The following LANCL2 variants were observed in gnomAD, a reference collection of about 807,000 sequenced individuals.
LANCL2 encodes lanC-like protein 2.
A neutral mutation model predicts 56.9 loss-of-function variants in LANCL2; 33 were observed. The ratio of observed to expected loss-of-function variants is 0.58; its 90% CI spans 0.44 to 0.78. LANCL2 has a LOEUF of 0.78. Among genes scored for constraint, LANCL2 ranks in the 30% least tolerant of loss-of-function variants. The probability of loss-of-function intolerance (pLI) is 0.00; values close to 1 mark genes in which losing one functional copy is unlikely to be tolerated. For missense variants in LANCL2, 562 were observed against 580.2 expected (o/e 0.97, Z 0.32); for synonymous variants, 233 against 228.2 (o/e 1.02, Z -0.19).
intron 5 of LANCL2, among the ~76,000 whole-genome samples, chr7:55,407,007 C>T (rs1194813527): frequency 6.6e-6 from 1 of 152,134 alleles, no homozygotes; most frequent in Non-Finnish European, 1.5e-5. Context: ...GGGAAAGTGC[C>T]ATGTCCCCAG....
chr7:55,392,395 G>A (rs1790202216), intron 2 of LANCL2, among the ~76,000 whole-genome samples: 2 of 151,030 alleles, frequency 1.3e-5, no homozygotes, highest in Non-Finnish European at 2.9e-5. Context: ...CTGTTGCCTG[G>A]GCTAGAGTAC....
At chr7:55,391,704 T>TA in intron 1 of LANCL2, 89 bp from the exon 2 acceptor site, 1 of 730,744 alleles carries the variant, frequency 1.4e-6, no homozygotes, top group Non-Finnish European at 2.4e-6. Context: ...TTCTGTCTGT[T>TA]ATGTTTGTAC....
chr7:55,379,565 G>C (rs1252787945), intron 1 of LANCL2: 1 of 152,614 alleles, frequency 6.6e-6, no homozygotes, highest in Admixed American at 6.5e-5. Flanking sequence ...CTACCTTATG[G>C]GTTCTGCCAC....
intron 1 of LANCL2, among the ~76,000 whole-genome samples, chr7:55,379,205 G>A (rs12718960): frequency 0.35 from 53,382 of 152,060 alleles, 9,850 homozygotes; most frequent in African/African-American, 0.42. Flanking sequence ...TGAAGGGTTA[G>A]TAGCATATGC....
At chr7:55,416,344 T>A (rs1414881909) in intron 6 of LANCL2, among the ~76,000 whole-genome samples, 1 of 152,152 alleles carries the variant, frequency 6.6e-6, no homozygotes, top group Non-Finnish European at 1.5e-5. Context: ...TGGAGTGCAG[T>A]GGTGGATCTT....
intron 6 of LANCL2, among the ~76,000 whole-genome samples, chr7:55,416,534 G>A (rs1001172467): frequency 6.6e-6 from 1 of 152,130 alleles, no homozygotes; most frequent in Non-Finnish European, 1.5e-5. Context: ...TCCTGTCTTG[G>A]TCTCCCAAAG....
intron 2 of LANCL2, among the ~76,000 whole-genome samples, chr7:55,395,274 G>A (rs1790237514): frequency 6.6e-6 from 1 of 151,886 alleles, no homozygotes; most frequent in Admixed American, 6.6e-5. Flanking sequence ...GGAGAAAAAC[G>A]CACCAGGAAA....
At chr7:55,414,855 G>A (rs1400049353) in intron 6 of LANCL2, among the ~76,000 whole-genome samples, 2 of 151,564 alleles carry the variant, frequency 1.3e-5, no homozygotes, top group Non-Finnish European at 2.9e-5. Flanking sequence ...GTGGTGGCAC[G>A]CACCTGTAGT....
At chr7:55,386,404 C>T (rs969750372) in intron 1 of LANCL2, among the ~76,000 whole-genome samples, 1 of 152,228 alleles carries the variant, frequency 6.6e-6, no homozygotes, top group East Asian at 1.9e-4. Context: ...ATGGCTTCAG[C>T]CGGTCCCTCT....
chr7:55,414,269 AGGC>A (rs1790502346), intron 6 of LANCL2, among the ~76,000 whole-genome samples: 1 of 152,184 alleles, frequency 6.6e-6, no homozygotes, highest in Non-Finnish European at 1.5e-5. Flanking sequence ...TGTTTGACCA[AGGC>A]AGGGGGTTCA....
chr7:55,407,376 A>T (rs62457871), intron 5 of LANCL2, among the ~76,000 whole-genome samples: 1 of 152,142 alleles, frequency 6.6e-6, no homozygotes, highest in Non-Finnish European at 1.5e-5. Flanking sequence ...CGGGGCTTGA[A>T]GTCACTTTTC....
chr7:55,385,687 G>A (rs547990921), intron 1 of LANCL2, among the ~76,000 whole-genome samples: 11 of 152,114 alleles, frequency 7.2e-5, no homozygotes, highest in South Asian at 2.1e-4. Context: ...GGATGGAGGC[G>A]AAATTAAAAT....
At chr7:55,382,089 T>C (rs1790075365) in intron 1 of LANCL2, among the ~76,000 whole-genome samples, 1 of 152,206 alleles carries the variant, frequency 6.6e-6, no homozygotes, top group Non-Finnish European at 1.5e-5. Flanking sequence ...AAATGAATGA[T>C]TTTGAGGAGG....
At chr7:55,421,086 A>G (rs1790602900) in intron 6 of LANCL2, among the ~76,000 whole-genome samples, 1 of 152,300 alleles carries the variant, frequency 6.6e-6, no homozygotes, top group South Asian at 2.1e-4. Flanking sequence ...TGCATGACAC[A>G]TCTTTTTGCT....
chr7:55,408,089 T>C (rs1450674982), intron 5 of LANCL2, among the ~76,000 whole-genome samples: 1 of 152,212 alleles, frequency 6.6e-6, no homozygotes, highest in Admixed American at 6.5e-5. Context: ...TCATAATTAA[T>C]ATCCTCAGGG....
intron 1 of LANCL2, among the ~76,000 whole-genome samples, chr7:55,371,215 C>T (rs1197391047): frequency 1.3e-5 from 2 of 152,106 alleles, no homozygotes; most frequent in African/African-American, 4.8e-5. Flanking sequence ...CTGTTTTGTT[C>T]TCTATCTCTG....
intron 1 of LANCL2, among the ~76,000 whole-genome samples, chr7:55,369,085 A>G (rs1789908311): frequency 6.6e-6 from 1 of 152,218 alleles, no homozygotes; most frequent in Non-Finnish European, 1.5e-5. Flanking sequence ...ACCAGAAACT[A>G]GGAGAGGCAA....
chr7:55,366,131 G>A lies in LANCL2; in HGVS notation c.106G>A (p.Gly36Arg). 6.5e-7 allele frequency: 1 copy of A among 1,547,506 alleles called. No homozygotes were observed. Among genetic ancestry groups the A allele is most frequent in the Non-Finnish European group, 8.7e-7 (1 of 1,144,128 alleles). ...CTTCCCGGACTACGAGGCCGCCGCC[G>A]GGGCGCTGCTCGCCTCCGGAGCGGC... Reference protein sequence around the residue: ...NPFPDYEAAAGALLASGAAEE... With the variant: ...NPFPDYEAAARALLASGAAEE... Residue 36 changes from glycine to arginine, a missense_variant, in exon 1 of 9, where the codon GGG becomes AGG. Gly to Arg is a moderately radical substitution (Grantham distance 125). This residue lies in a region of LANCL2 where 184 missense variants were observed against 111.8 expected (regional missense o/e 1.65). Coordinates refer to ENST00000254770, the MANE Select transcript of LANCL2 (RefSeq NM_018697.4).
At chr7:55,407,962 T>C (rs569576844) in intron 5 of LANCL2, among the ~76,000 whole-genome samples, 67 of 152,222 alleles carry the variant, frequency 4.4e-4, no homozygotes, top group Non-Finnish European at 7.2e-4. Context: ...CACAGACCAG[T>C]AGCCGATGAG....
Sources: gnomAD v4.1 joint callset for allele counts (sites outside exome capture counted in the v4.1 genomes callset) on GRCh38, gnomAD v4.1.1 for gene constraint, gnomAD v4.1.1 regional missense constraint, MANE v1.5 for transcripts, NCBI Gene and HGNC (gene_info 2026-07-23, HGNC 2026-07-21) for gene names.